The following PTPRG variants were observed in gnomAD, a reference collection of about 807,000 sequenced individuals.
PTPRG encodes the protein protein tyrosine phosphatase receptor type G.
PTPRG carries 102 observed loss-of-function variants against 165.3 expected under a neutral mutation model. The ratio of observed to expected loss-of-function variants is 0.62; its 90% CI spans 0.53 to 0.73. PTPRG has a LOEUF of 0.73. PTPRG is among the 30% of genes least tolerant of loss of function. The pLI is 0.00. For missense variants in PTPRG, 1,866 were observed against 1,861.4 expected, an observed-to-expected ratio of 1.00 and a Z score of -0.05; for synonymous variants, 675 against 669.5, an observed-to-expected ratio of 1.01 and a Z score of -0.13.
At chr3:61,810,613 G>A (rs2035546038) in intron 2 of PTPRG, among the ~76,000 whole-genome samples, 1 of 152,068 alleles carries the variant, frequency 6.6e-6, no homozygotes, top group African/African-American at 2.4e-5. Context: ...AAGTTCCCAG[G>A]TCTGGCTACC....
chr3:62,233,195 ACCC>A lies in PTPRG; in HGVS notation c.2375+1887_2375+1889del, dbSNP rs1700944839. Among the ~76,000 whole-genome samples the A allele has an allele frequency of 6.6e-6, 1 of 152,010 alleles. No homozygotes were observed. The highest frequency in any genetic ancestry group is 2.1e-4 in the South Asian group (1 of 4,818). ...TGCAGCGGCGTGAATCCTGAGCAGTACCCCCTCTCACAGCTACATGTGCTATGC... is the reference window on the plus strand; with the variant it reads ...TGCAGCGGCGTGAATCCTGAGCAGTACCTCTCACAGCTACATGTGCTATGC... On this transcript the variant is annotated intron_variant, in intron 14 of 29. Coordinates refer to ENST00000474889, the MANE Select transcript of PTPRG (RefSeq NM_002841.4). The surrounding 1 kb of genome is among the most constrained non-coding windows in gnomAD (Gnocchi z 4.7).
chr3:62,209,178 T>C (rs963685839), intron 12 of PTPRG, among the ~76,000 whole-genome samples: 14 of 152,224 alleles, frequency 9.2e-5, no homozygotes, highest in Admixed American at 7.8e-4. Flanking sequence ...TCTGTCCTTC[T>C]CCCTAGGAAC....
chr3:62,107,276 G>A (rs989827217), intron 5 of PTPRG, among the ~76,000 whole-genome samples: 5 of 152,158 alleles, frequency 3.3e-5, no homozygotes, highest in African/African-American at 1.2e-4. Flanking sequence ...ATACCATGAA[G>A]CATACTTCTA....
At chr3:62,055,319 A>G (rs943355236) in intron 4 of PTPRG, among the ~76,000 whole-genome samples, 2 of 152,242 alleles carry the variant, frequency 1.3e-5, no homozygotes, top group Non-Finnish European at 2.9e-5. Context: ...ATGTAAAGGC[A>G]TCACAGAAAT....
intron 8 of PTPRG, among the ~76,000 whole-genome samples, chr3:62,183,988 G>A (rs1311476975): frequency 2.0e-5 from 3 of 152,176 alleles, no homozygotes; most frequent in African/African-American, 4.8e-5. Context: ...CTGCTCCATG[G>A]AGTGCCCTGT....
chr3:62,216,807 C>T lies in PTPRG; in HGVS notation c.2156-2044C>T, dbSNP rs1700522329. Among the ~76,000 whole-genome samples the T allele has an allele frequency of 2.0e-5, 3 of 152,318 alleles. No homozygotes were observed. The South Asian group carries it at 6.2e-4, about 32-fold the overall frequency. On this transcript the variant is annotated intron_variant, in intron 12 of 29. Coordinates refer to ENST00000474889, the MANE Select transcript of PTPRG (RefSeq NM_002841.4). ...TGGCTTCATCTGCCTTCCAATTCCC[C>T]ATCTGGGTCCTCCTCCCTCTCATTC...
intron 2 of PTPRG, among the ~76,000 whole-genome samples, chr3:61,778,748 C>T (rs1445119676): frequency 6.6e-6 from 1 of 152,080 alleles, no homozygotes; most frequent in East Asian, 1.9e-4. Context: ...ATAACAGCAG[C>T]AGGATTGATT....
At chr3:61,775,115 G>T (rs762394284) in intron 2 of PTPRG, among the ~76,000 whole-genome samples, 2 of 152,144 alleles carry the variant, frequency 1.3e-5, no homozygotes, top group Admixed American at 1.3e-4. Flanking sequence ...CTGTCTCCCA[G>T]ACTGGAGTGC....
chr3:61,643,111 A>G (rs1257844182), intron 1 of PTPRG, among the ~76,000 whole-genome samples: 5 of 152,214 alleles, frequency 3.3e-5, no homozygotes, highest in Non-Finnish European at 5.9e-5. Context: ...AAAGGAAAAA[A>G]TGATGGAATG....
At chr3:61,797,902 G>GA (rs1204572621) in intron 2 of PTPRG, among the ~76,000 whole-genome samples, 1 of 139,244 alleles carries the variant, frequency 7.2e-6, no homozygotes, top group Non-Finnish European at 1.5e-5. Context: ...GAGAGAAGGA[G>GA]AAAAAAATGA....
intron 2 of PTPRG, among the ~76,000 whole-genome samples, chr3:61,929,014 T>G (rs1287436555): frequency 6.6e-6 from 1 of 152,078 alleles, no homozygotes; most frequent in Non-Finnish European, 1.5e-5. Flanking sequence ...CCACTGAACA[T>G]CCTACAATGC....
intron 2 of PTPRG, among the ~76,000 whole-genome samples, chr3:61,971,475 C>T (rs1185127599): frequency 3.9e-5 from 6 of 152,100 alleles, no homozygotes; most frequent in Non-Finnish European, 7.4e-5. Context: ...ATTAAAGGGC[C>T]GGAATCAAAT....
intron 8 of PTPRG, among the ~76,000 whole-genome samples, chr3:62,183,343 C>A (rs1010863628): frequency 2.0e-5 from 3 of 152,092 alleles, no homozygotes; most frequent in Admixed American, 6.5e-5. Context: ...GTGGGTGGAT[C>A]ACTTGAGGTC....
intron 3 of PTPRG, among the ~76,000 whole-genome samples, chr3:61,999,638 G>T (rs773017478): frequency 6.6e-6 from 1 of 151,832 alleles, no homozygotes; most frequent in Non-Finnish European, 1.5e-5. Context: ...TTGTAGTACC[G>T]TTTTCTTCTA....
chr3:61,677,244 CAAAAAAAAA>C (rs11426161), intron 1 of PTPRG, among the ~76,000 whole-genome samples: 1 of 71,562 alleles, frequency 1.4e-5, no homozygotes, highest in Non-Finnish European at 3.1e-5. Context: ...GACTCCGTCT[CAAAAAAAAA>C]AAAAAAAAAA....
intron 2 of PTPRG, among the ~76,000 whole-genome samples, chr3:61,799,159 G>A (rs2035156424): frequency 6.6e-6 from 1 of 152,012 alleles, no homozygotes; most frequent in Admixed American, 6.6e-5. Flanking sequence ...ATAGTAGTAT[G>A]AAATTCTATT....
intron 1 of PTPRG, among the ~76,000 whole-genome samples, chr3:61,611,375 A>C (rs888226060): frequency 5.9e-5 from 9 of 152,280 alleles, no homozygotes; most frequent in Non-Finnish European, 1.0e-4. Flanking sequence ...TGCCTTTCTC[A>C]TCATTTTAAT....
At chr3:62,009,735 C>T (rs2041374143) in intron 4 of PTPRG, among the ~76,000 whole-genome samples, 1 of 152,162 alleles carries the variant, frequency 6.6e-6, no homozygotes, top group Non-Finnish European at 1.5e-5. Flanking sequence ...ACCCTCTCCA[C>T]ACTGATGCAG....
chr3:62,150,682 G>C (rs1310748721), intron 6 of PTPRG, among the ~76,000 whole-genome samples: 1 of 151,900 alleles, frequency 6.6e-6, no homozygotes, highest in East Asian at 1.9e-4. Flanking sequence ...AAAAAAAAAA[G>C]TTGTGGGAAA....
Sources: allele counts gnomAD v4.1 joint callset (sites outside exome capture counted in the v4.1 genomes callset), GRCh38; gene constraint gnomAD v4.1.1; non-coding constraint Gnocchi (gnomAD v3.1); transcripts MANE v1.5; gene names NCBI Gene and HGNC (gene_info 2026-07-23, HGNC 2026-07-21).